Variants in FNDC3B observed in about 807,000 individuals in gnomAD.
FNDC3B encodes fibronectin type III domain-containing protein 3B.
In FNDC3B, 12 loss-of-function variants were observed where a neutral mutation model predicts 151.5. The ratio of observed to expected loss-of-function variants is 0.08; its 90% confidence interval spans 0.05 to 0.13. The LOEUF is 0.13. Among genes scored for constraint, FNDC3B ranks in the 10% least tolerant of loss-of-function variants. The pLI is 1.00. For missense variants in FNDC3B, 1,214 were observed against 1,505.3 expected (o/e 0.81, Z 3.20); for synonymous variants, 528 against 549.0 (o/e 0.96, Z 0.54).
chr3:172,273,054 G>T (rs758125583), intron 6 of FNDC3B, among the ~76,000 whole-genome samples: 2 of 152,116 alleles, frequency 1.3e-5, no homozygotes, highest in Non-Finnish European at 2.9e-5. Flanking sequence ...TTAATTGTTG[G>T]AGATGATGAG....
Position 172,397,681 on chromosome 3 carries a change from A to G in FNDC3B, c.*206A>G, listed in dbSNP as rs1364995960. ...TTAAACTGGATTTTTTTTTTTAAAA[A>G]AAAGAAAAAAAAAGAAGAAAAGTAT... On this transcript the variant is annotated 3_prime_UTR_variant, in exon 26 of 26. Transcript: ENST00000415807. 4.1e-6 allele frequency: 1 copy of G among 242,816 alleles called. No individual in the cohort carries two copies. Among genetic ancestry groups the G allele is most frequent in the Non-Finnish European group, 6.6e-6 (1 of 151,618 alleles). The allele number at this position is 242,816 out of a possible 1,614,324, so 15.0% of individuals were successfully genotyped here.
intron 9 of FNDC3B, among the ~76,000 whole-genome samples, chr3:172,300,803 G>T (rs1466341974): frequency 6.6e-6 from 1 of 152,152 alleles, no homozygotes; most frequent in Non-Finnish European, 1.5e-5. Context: ...GTCAATTTTA[G>T]TATTTTTTTA....
At chr3:172,289,421 G>A (rs201611850) in intron 7 of FNDC3B, among the ~76,000 whole-genome samples, 1 of 151,362 alleles carries the variant, frequency 6.6e-6, no homozygotes. Flanking sequence ...GCCATATAAG[G>A]TATTCATAGG....
At chr3:172,114,159 G>A (rs931110991) in intron 2 of FNDC3B, among the ~76,000 whole-genome samples, 11 of 152,110 alleles carry the variant, frequency 7.2e-5, no homozygotes, top group African/African-American at 2.7e-4. Flanking sequence ...ATGCTGCCTG[G>A]CTGCCAGCCT....
chr3:172,109,423 C>T (rs1719849810), intron 1 of FNDC3B, among the ~76,000 whole-genome samples: 1 of 146,466 alleles, frequency 6.8e-6, no homozygotes, highest in East Asian at 2.0e-4. Flanking sequence ...GCCTCGGCCT[C>T]CCAAAGTGCT....
chr3:172,088,158 A>G (rs182965779), intron 1 of FNDC3B, among the ~76,000 whole-genome samples: 25 of 141,774 alleles, frequency 1.8e-4, no homozygotes, highest in Non-Finnish European at 2.2e-4. Context: ...ATTTTTCTAT[A>G]AAGTTATGTG....
chr3:172,185,702 C>G (rs1034772331), intron 3 of FNDC3B, among the ~76,000 whole-genome samples: 3 of 152,190 alleles, frequency 2.0e-5, no homozygotes, highest in African/African-American at 7.2e-5. Context: ...GGAAAATTTA[C>G]TGTTGCCAGA....
intron 1 of FNDC3B, among the ~76,000 whole-genome samples, chr3:172,104,801 A>T (rs982092046): frequency 6.6e-6 from 1 of 152,200 alleles, no homozygotes; most frequent in Non-Finnish European, 1.5e-5. Flanking sequence ...GGTAAAGAAG[A>T]TCACATTGTG....
intron 3 of FNDC3B, among the ~76,000 whole-genome samples, chr3:172,159,814 T>G (rs1369561404): frequency 6.6e-6 from 1 of 152,222 alleles, no homozygotes; most frequent in African/African-American, 2.4e-5. Flanking sequence ...CACTCGTTTG[T>G]GTATTTTAAG....
intron 3 of FNDC3B, among the ~76,000 whole-genome samples, chr3:172,182,589 T>C (rs951924684): frequency 2.2e-4 from 34 of 152,186 alleles, no homozygotes; most frequent in Non-Finnish European, 4.7e-4. Flanking sequence ...TTGGGTGTAA[T>C]ACTCAATCCA....
rs764021702 is a variant in FNDC3B at position 172,378,349 on chromosome 3, A to G, written c.3088A>G (p.Ile1030Val). Reference sequence around the variant, plus strand: ...GGAATTCACATGCTACTCCTTCAGAATCCAGGCAGCAAGCGAGGCTGGAGA... The same window carrying G: ...GGAATTCACATGCTACTCCTTCAGAGTCCAGGCAGCAAGCGAGGCTGGAGA... The part of the protein sequence containing the change: ...LTEFTCYSFR[I>V]QAASEAGEGP... Residue 1030 changes from isoleucine (I) to valine (V), a missense_variant, in exon 24 of 26, where the codon ATC becomes GTC. Physicochemically the swap from Ile to Val is conservative, Grantham distance 29. This residue lies in a region of FNDC3B where 284 missense variants were observed against 392.4 expected (regional missense o/e 0.72). Transcript: ENST00000415807. 6.2e-7 allele frequency: 1 copy of G among 1,614,042 alleles called. No homozygotes were observed. The highest frequency in any genetic ancestry group is 1.7e-5 in the Admixed American group (1 of 60,010).
Position 172,318,539 on chromosome 3 carries a change from C to G in FNDC3B, c.1254+7658C>G, listed in dbSNP as rs59007061. ...GCACAAACCTTTTCTGGTTAGATAA[C>G]AACTGTTCTGAGAATGAAGGGAATG... On this transcript the variant is annotated intron_variant, in intron 11 of 25. Coordinates refer to ENST00000415807, the MANE Select transcript of FNDC3B (RefSeq NM_022763.4). 3.0e-3 allele frequency among the ~76,000 whole-genome samples: 453 copies of G among 152,276 alleles called. 2 individuals are homozygous for G. Among genetic ancestry groups the G allele is most frequent in the African/African-American group, 0.01 (429 of 41,554 alleles).
intron 11 of FNDC3B, among the ~76,000 whole-genome samples, chr3:172,324,487 TC>T (rs1732244009): frequency 6.6e-6 from 1 of 152,202 alleles, no homozygotes; most frequent in Non-Finnish European, 1.5e-5. Flanking sequence ...CAATGCGTCA[TC>T]CTGCGCCAGA....
rs372548830 is a variant in FNDC3B at position 172,227,907 on chromosome 3, C to T, written c.264+960C>T. On this transcript the variant is annotated intron_variant, in intron 4 of 25. Transcript: ENST00000415807. ...TCAGTTTTTAATGATTCTGCTAGGG[C>T]GAAAAATTGGCAGCTACATAGGAAA... is the stretch of plus-strand genomic sequence containing the variant. Among the ~76,000 whole-genome samples the T allele has an allele frequency of 7.9e-5, 12 of 152,080 alleles. No individual in the cohort carries two copies. In the East Asian group the frequency reaches 1.5e-3, roughly 20 times the overall value.
Position 172,344,064 on chromosome 3 carries a change from G to A in FNDC3B, c.2078-22G>A, listed in dbSNP as rs77061385. On this transcript the variant is annotated intron_variant, in intron 18 of 25. Coordinates refer to ENST00000415807, the MANE Select transcript of FNDC3B (RefSeq NM_022763.4). The stretch of plus-strand genomic sequence containing the variant: ...CTGGAAGCACAAAGTGTTCTAAGAT[G>A]AAAAAAATTCTTCATTCCCAGATGT... 5.8e-3 allele frequency: 9,262 copies of A among 1,597,580 alleles called. 64 individuals carry two copies. Among genetic ancestry groups the A allele is most frequent in the South Asian group, 0.026 (2,344 of 89,346 alleles).
chr3:172,293,643 A>G (rs1048145775), intron 7 of FNDC3B, among the ~76,000 whole-genome samples: 13 of 152,172 alleles, frequency 8.5e-5, no homozygotes, highest in African/African-American at 3.1e-4. Context: ...GCATGAGATA[A>G]TTTAGAGAAG....
At chr3:172,160,890 G>A (rs960815202) in intron 3 of FNDC3B, among the ~76,000 whole-genome samples, 1 of 152,018 alleles carries the variant, frequency 6.6e-6, no homozygotes, top group African/African-American at 2.4e-5. Context: ...TCCCGAATTT[G>A]CCGTTGAAAG....
intron 23 of FNDC3B, among the ~76,000 whole-genome samples, chr3:172,364,380 G>T (rs192069418): frequency 1.3e-5 from 2 of 152,300 alleles, no homozygotes. Flanking sequence ...GCTTCTAGTT[G>T]TGCTGTTTTA....
intron 1 of FNDC3B, among the ~76,000 whole-genome samples, chr3:172,086,702 C>T (rs565699054): frequency 1.3e-5 from 2 of 152,260 alleles, no homozygotes; most frequent in African/African-American, 4.8e-5. Context: ...GTTGTTAGAT[C>T]AGAGTTATCC....
Sources: gnomAD v4.1 joint callset for allele counts (sites outside exome capture counted in the v4.1 genomes callset) on GRCh38, gnomAD v4.1.1 for gene constraint, gnomAD v4.1.1 regional missense constraint, MANE v1.5 for transcripts, NCBI Gene and HGNC (gene_info 2026-07-23, HGNC 2026-07-21) for gene names.